Variants in MFSD6 observed in about 807,000 individuals in gnomAD.
The protein encoded by MFSD6 is major facilitator superfamily domain containing 6, also known as major facilitator superfamily domain-containing protein 6.
A neutral mutation model predicts 56.3 loss-of-function variants in MFSD6; 26 were observed. The ratio of observed to expected loss-of-function variants is 0.46; its 90% CI spans 0.34 to 0.64. MFSD6 has a LOEUF of 0.64. Among genes scored for constraint, MFSD6 ranks in the 30% least tolerant of loss-of-function variants. The probability of loss-of-function intolerance (pLI) is 0.01; values close to 1 mark genes in which losing one functional copy is unlikely to be tolerated. For synonymous variants in MFSD6, 331 were observed against 366.9 expected, an observed-to-expected ratio of 0.90 and a Z score of 1.12; for missense variants, 750 against 986.2, an observed-to-expected ratio of 0.76 and a Z score of 3.21.
chr2:190,452,441 A>T (rs1574132810), intron 3 of MFSD6, among the ~76,000 whole-genome samples: 1 of 152,314 alleles, frequency 6.6e-6, no homozygotes, highest in South Asian at 2.1e-4. Context: ...TCTTTTTAAC[A>T]GTCTTGTGAG....
Position 190,447,794 on chromosome 2 carries a change from T to G in MFSD6, c.1532+10233T>G, listed in dbSNP as rs764251358. Among the ~76,000 whole-genome samples the G allele has an allele frequency of 6.6e-6, 1 of 152,218 alleles. No homozygotes were observed. The highest frequency in any genetic ancestry group is 1.5e-5 in the Non-Finnish European group (1 of 68,026). On this transcript the variant is annotated intron_variant, in intron 3 of 7. Coordinates refer to ENST00000392328, the MANE Select transcript of MFSD6 (RefSeq NM_017694.4). The surrounding 1 kb of genome is among the most constrained non-coding windows in gnomAD (Gnocchi z 4.5). The stretch of plus-strand genomic sequence containing the variant: ...TTATCACATTGTAAGCTATGGAGTC[T>G]CAAAAATTGAAGAATTTATGATCAG...
In MFSD6 at chr2:190,501,597, A is replaced by G. The variant is rs1690027503; in HGVS notation, c.*1379A>G. Reference sequence around the variant, plus strand: ...AGGAAAGAAAAGAACAGTCGAAATGAGCAACTCACCTTACCCTCTGACCCT... The same window carrying G: ...AGGAAAGAAAAGAACAGTCGAAATGGGCAACTCACCTTACCCTCTGACCCT... On this transcript the variant is annotated 3_prime_UTR_variant, in exon 8 of 8. Transcript: ENST00000392328. 1 of 152,390 alleles carries G rather than the reference A, an allele frequency of 6.6e-6. No homozygotes were observed. Among genetic ancestry groups the G allele is most frequent in the South Asian group, 2.1e-4 (1 of 4,836 alleles). The allele number at this position is 152,390 out of a possible 1,614,324, so 9.4% of individuals were successfully genotyped here.
chr2:190,476,647 G>A lies in MFSD6; in HGVS notation c.1630+6792G>A, dbSNP rs1240307986. Among the ~76,000 whole-genome samples, 13 of 152,278 alleles carry A rather than the reference G, an allele frequency of 8.5e-5. No individual in the cohort carries two copies. The East Asian group carries it at 2.3e-3, about 27-fold the overall frequency. ...CAACCATTGTGGAAGTCAGTGTGGC[G>A]ATTCCTCAGGGATCTAGAACTAGAA... On this transcript the variant is annotated intron_variant, in intron 4 of 7. Transcript: ENST00000392328.
In MFSD6 at chr2:190,465,907, C is replaced by A. The variant is rs538084902; in HGVS notation, c.1533-3851C>A. On this transcript the variant is annotated intron_variant, in intron 3 of 7. Transcript: ENST00000392328. This position sits in a 1 kb window ranked among gnomAD's most constrained non-coding sequence, Gnocchi z 4.6. ...ACTTGGGAGGCTGAGGCAGAAGAAT[C>A]GCTTGAATCCGGGAGGCGGTGGTTA... Among the ~76,000 whole-genome samples, 1 of 152,284 alleles carries A rather than the reference C, an allele frequency of 6.6e-6. No individual in the cohort carries two copies. The highest frequency in any genetic ancestry group is 1.9e-4 in the East Asian group (1 of 5,188).
chr2:190,465,946 TCATGC>T lies in MFSD6; in HGVS notation c.1533-3808_1533-3804del, dbSNP rs1687582956. Reference sequence around the variant, plus strand: ...AGGCGGTGGTTACAGCAAACCAAGATCATGCCATTGCAAAAAACAAACAAAAAAAC... The same window carrying T: ...AGGCGGTGGTTACAGCAAACCAAGATCATTGCAAAAAACAAACAAAAAAAC... On this transcript the variant is annotated intron_variant, in intron 3 of 7. Coordinates refer to ENST00000392328, the MANE Select transcript of MFSD6 (RefSeq NM_017694.4). The surrounding 1 kb of genome is among the most constrained non-coding windows in gnomAD (Gnocchi z 4.6). 6.6e-6 allele frequency among the ~76,000 whole-genome samples: 1 copy of T among 152,128 alleles called. No homozygotes were observed. Among genetic ancestry groups the T allele is most frequent in the African/African-American group, 2.4e-5 (1 of 41,414 alleles).
rs1321416953 is a variant in MFSD6, at chr2:190,410,042, AG to A, written c.-176+1541del. 6.6e-6 allele frequency among the ~76,000 whole-genome samples: 1 copy of A among 152,188 alleles called. No homozygotes were observed. Among genetic ancestry groups the A allele is most frequent in the East Asian group, 1.9e-4 (1 of 5,206 alleles). Reference sequence around the variant, plus strand: ...TCATGTTTACAGCAGTTTATTTCTAAGGCACTTTCCATCTCTATACAAATAA... The same window carrying A: ...TCATGTTTACAGCAGTTTATTTCTAAGCACTTTCCATCTCTATACAAATAA... On this transcript the variant is annotated intron_variant, in intron 1 of 7. Coordinates refer to ENST00000392328, the MANE Select transcript of MFSD6 (RefSeq NM_017694.4). The surrounding 1 kb of genome is among the most constrained non-coding windows in gnomAD (Gnocchi z 4.4).
chr2:190,472,843 C>T (rs567084509), intron 4 of MFSD6, among the ~76,000 whole-genome samples: 1 of 152,160 alleles, frequency 6.6e-6, no homozygotes, highest in Non-Finnish European at 1.5e-5. Context: ...AGAGAAAGGT[C>T]GGGTTACCCA....
chr2:190,481,997 C>G (rs1479508168), intron 4 of MFSD6, among the ~76,000 whole-genome samples: 1 of 152,164 alleles, frequency 6.6e-6, no homozygotes, highest in Non-Finnish European at 1.5e-5. Context: ...TTCCCAGCCT[C>G]CCTTGCAGTT....
chr2:190,463,991 G>T lies in MFSD6; in HGVS notation c.1533-5767G>T. On this transcript the variant is annotated intron_variant, in intron 3 of 7. Coordinates refer to ENST00000392328, the MANE Select transcript of MFSD6 (RefSeq NM_017694.4). This position sits in a 1 kb window ranked among gnomAD's most constrained non-coding sequence, Gnocchi z 4.4. ...TGTCAACAACCAGCTCTTTTCATTAGGAAATCTAGTAAAAACTCCAGCCAG... is the reference window on the plus strand; with the variant it reads ...TGTCAACAACCAGCTCTTTTCATTATGAAATCTAGTAAAAACTCCAGCCAG... 1.4e-6 allele frequency: 1 copy of T among 713,796 alleles called. No homozygotes were observed. The highest frequency in any genetic ancestry group is 1.7e-6 in the Non-Finnish European group (1 of 582,024). The allele number at this position is 713,796 out of a possible 1,614,324, so 44.2% of individuals were successfully genotyped here.
In MFSD6 at chr2:190,447,437, T is replaced by G. The variant is rs940683934; in HGVS notation, c.1532+9876T>G. ...TGGCATTTATGGATTATTCCTGTAC[T>G]GCTAAGTCCTCTGCTAATATATGGA... On this transcript the variant is annotated intron_variant, in intron 3 of 7. Transcript: ENST00000392328. This position sits in a 1 kb window ranked among gnomAD's most constrained non-coding sequence, Gnocchi z 4.5. Among the ~76,000 whole-genome samples the G allele has an allele frequency of 1.3e-5, 2 of 152,192 alleles. No homozygotes were observed. The highest frequency in any genetic ancestry group is 2.9e-5 in the Non-Finnish European group (2 of 68,028).
rs1164730945 is a variant in MFSD6 at position 190,492,841 on chromosome 2, T to C, written c.1891+2975T>C. Among the ~76,000 whole-genome samples, 2 of 150,936 alleles carry C rather than the reference T, an allele frequency of 1.3e-5. No individual in the cohort carries two copies. Among genetic ancestry groups the C allele is most frequent in the East Asian group, 3.9e-4 (2 of 5,172 alleles). ...AGCCAGAACTACAAGAATTTGCCAC[T>C]CACCACCAAGCCAGCACTACAAGAG... is the stretch of plus-strand genomic sequence containing the variant. On this transcript the variant is annotated intron_variant, in intron 6 of 7. Coordinates refer to ENST00000392328, the MANE Select transcript of MFSD6 (RefSeq NM_017694.4). The surrounding 1 kb of genome is among the most constrained non-coding windows in gnomAD (Gnocchi z 5.2).
In MFSD6 at chr2:190,471,840, C is replaced by A. The variant is rs112331458; in HGVS notation, c.1630+1985C>A. 2.6e-5 allele frequency among the ~76,000 whole-genome samples: 4 copies of A among 152,338 alleles called. No individual in the cohort carries two copies. The highest frequency in any genetic ancestry group is 4.1e-4 in the South Asian group (2 of 4,830). On this transcript the variant is annotated intron_variant, in intron 4 of 7. Transcript: ENST00000392328. This position sits in a 1 kb window ranked among gnomAD's most constrained non-coding sequence, Gnocchi z 4.7. The stretch of plus-strand genomic sequence containing the variant: ...AGTAGCCTAACTGGGAGGCACCCCC[C>A]AGTAGGGGCAGACTGATAACTCATA...
chr2:190,425,167 C>T lies in MFSD6; in HGVS notation c.-54+9754C>T, dbSNP rs1370873284. Among the ~76,000 whole-genome samples the T allele has an allele frequency of 2.6e-5, 4 of 152,026 alleles. No homozygotes were observed. Among genetic ancestry groups the T allele is most frequent in the Non-Finnish European group, 5.9e-5 (4 of 68,016 alleles). ...TGTTCATTGCTAGTATACAGAAATA[C>T]AATTAATTATTGTATGCTTATCTTG... On this transcript the variant is annotated intron_variant, in intron 2 of 7. Coordinates refer to ENST00000392328, the MANE Select transcript of MFSD6 (RefSeq NM_017694.4). This position sits in a 1 kb window ranked among gnomAD's most constrained non-coding sequence, Gnocchi z 4.3.
chr2:190,434,158 G>A lies in MFSD6; in HGVS notation c.-53-1819G>A, dbSNP rs1686095605. Among the ~76,000 whole-genome samples, 1 of 146,534 alleles carries A rather than the reference G, an allele frequency of 6.8e-6. No individual in the cohort carries two copies. Among genetic ancestry groups the A allele is most frequent in the East Asian group, 2.0e-4 (1 of 5,008 alleles). On this transcript the variant is annotated intron_variant, in intron 2 of 7. Transcript: ENST00000392328. This position sits in a 1 kb window ranked among gnomAD's most constrained non-coding sequence, Gnocchi z 4.3. Reference sequence around the variant, plus strand: ...ATTACACCACTGCACTCCAGCCTGGGTGACAGAGTAAGACCCTGTCTCTCA... The same window carrying A: ...ATTACACCACTGCACTCCAGCCTGGATGACAGAGTAAGACCCTGTCTCTCA...
At chr2:190,422,081 G>A (rs1468877243) in intron 2 of MFSD6, among the ~76,000 whole-genome samples, 3 of 152,180 alleles carry the variant, frequency 2.0e-5, no homozygotes, top group African/African-American at 7.2e-5. Context: ...ACAGAGACAT[G>A]TAGTAAACTG....
rs759762569 is a variant in MFSD6, at chr2:190,437,499, T to C, written c.1470T>C (p.His490=). The C allele has an allele frequency of 3.1e-6, 5 of 1,614,124 alleles. No individual in the cohort carries two copies. The South Asian group carries it at 3.3e-5, about 11-fold the overall frequency. ...TTGGGGTCTGTTCAGTCCTGAGTCA[T>C]GTGTCTGAGCTGACAGCATATTTTT... ...TLFGVCSVLS[H]VSELTAYFFS... Residue 490 remains histidine (H), a synonymous_variant, in exon 3 of 8, where the codon CAT becomes CAC. Transcript: ENST00000392328. The surrounding 1 kb of genome is among the most constrained non-coding windows in gnomAD (Gnocchi z 5.9).
intron 1 of MFSD6, 141 bp downstream of exon 1, chr2:190,408,644 T>G (rs1485295227): frequency 6.6e-5 from 10 of 152,064 alleles, no homozygotes; most frequent in Admixed American, 5.9e-4. Context: ...GGGCCGGGGC[T>G]CGGAGCCCAG....
rs1685700882 is a variant in MFSD6, at chr2:190,423,592, A to G, written c.-54+8179A>G. ...TTTGGCTATTATGAAGAAAGCTGCT[A>G]TAAACATTTATGCATGGGTTTCTGT... On this transcript the variant is annotated intron_variant, in intron 2 of 7. Transcript: ENST00000392328. The surrounding 1 kb of genome is among the most constrained non-coding windows in gnomAD (Gnocchi z 4.3). 1.3e-5 allele frequency among the ~76,000 whole-genome samples: 2 copies of G among 152,224 alleles called. No individual in the cohort carries two copies. The highest frequency in any genetic ancestry group is 4.1e-4 in the South Asian group (2 of 4,828).
rs970574449 is a variant in MFSD6, at chr2:190,488,265, A to T, written c.1631-392A>T. On this transcript the variant is annotated intron_variant, in intron 4 of 7. Transcript: ENST00000392328. The surrounding 1 kb of genome is among the most constrained non-coding windows in gnomAD (Gnocchi z 6.4). Reference sequence around the variant, plus strand: ...ACCAGGTTGATAGCAGCATTAATCAAAGTAGCAGAAGGAAACAACAAATGT... The same window carrying T: ...ACCAGGTTGATAGCAGCATTAATCATAGTAGCAGAAGGAAACAACAAATGT... Among the ~76,000 whole-genome samples the T allele has an allele frequency of 6.6e-6, 1 of 152,268 alleles. No individual in the cohort carries two copies. The highest frequency in any genetic ancestry group is 1.5e-5 in the Non-Finnish European group (1 of 68,052).
Sources: allele counts gnomAD v4.1 joint callset (sites outside exome capture counted in the v4.1 genomes callset), GRCh38; gene constraint gnomAD v4.1.1; non-coding constraint Gnocchi (gnomAD v3.1); transcripts MANE v1.5; gene names NCBI Gene and HGNC (gene_info 2026-07-23, HGNC 2026-07-21).